Variants in FHL2 observed in about 807,000 individuals in gnomAD.
FHL2 encodes four and a half LIM domains protein 2.
A neutral mutation model predicts 32.7 loss-of-function variants in FHL2; 20 were observed. The ratio of observed to expected loss-of-function variants is 0.61; its 90% CI spans 0.43 to 0.89. The LOEUF is 0.89. FHL2 is among the 40% of genes least tolerant of loss of function. The probability of loss-of-function intolerance (pLI) is 0.00; values close to 1 mark genes in which losing one functional copy is unlikely to be tolerated. For missense variants in FHL2, 311 were observed against 358.6 expected, an observed-to-expected ratio of 0.87 and a Z score of 1.07; for synonymous variants, 123 against 128.1, an observed-to-expected ratio of 0.96 and a Z score of 0.27.
At chr2:105,368,225 G>GA (rs1206372345) in intron 4 of FHL2, among the ~76,000 whole-genome samples, 2 of 152,202 alleles carry the variant, frequency 1.3e-5, no homozygotes, top group Non-Finnish European at 2.9e-5. Flanking sequence ...CTGATTCAGT[G>GA]AGCAGCCTCT....
intron 2 of FHL2, among the ~76,000 whole-genome samples, chr2:105,387,608 G>A (rs1163182869): frequency 1.3e-5 from 2 of 152,228 alleles, no homozygotes; most frequent in African/African-American, 2.4e-5. Context: ...ACAGGAACAG[G>A]ACACTGGCGA....
At chr2:105,431,246 T>G (rs1269605421) in intron 1 of FHL2, among the ~76,000 whole-genome samples, 1 of 152,202 alleles carries the variant, frequency 6.6e-6, no homozygotes, top group Non-Finnish European at 1.5e-5. Context: ...CTCACTGCTG[T>G]AGGTATTGGG....
At chr2:105,385,506 T>A (rs1682240197) in intron 3 of FHL2, among the ~76,000 whole-genome samples, 2 of 152,250 alleles carry the variant, frequency 1.3e-5, no homozygotes, top group Non-Finnish European at 2.9e-5. Context: ...TGCCATGAAC[T>A]GACTTGGTGC....
chr2:105,414,496 C>T (rs1683877856), intron 1 of FHL2, among the ~76,000 whole-genome samples: 2 of 152,104 alleles, frequency 1.3e-5, no homozygotes, highest in Non-Finnish European at 2.9e-5. Flanking sequence ...GCCATTATCT[C>T]ATTAGCATAC....
rs1001568915 is a variant in FHL2, at chr2:105,377,852, C to T, written c.157-4119G>A. The T allele has an allele frequency of 2.1e-4, 73 of 354,556 alleles. 2 individuals carry two copies. Among genetic ancestry groups the T allele is most frequent in the South Asian group, 1.5e-3 (70 of 45,474 alleles). The allele number at this position is 354,556 out of a possible 1,614,324, so 22.0% of individuals were successfully genotyped here. On this transcript the variant is annotated intron_variant, in intron 3 of 6. Transcript: ENST00000530340. ...AGGGAGAGGGGAGGAGATCCTTGGC[C>T]TCTCTCTGGGAAGATAGTTGCTTTT...
chr2:105,401,199 TA>T (rs1394023232), upstream of FHL2, among the ~76,000 whole-genome samples: 2 of 152,164 alleles, frequency 1.3e-5, no homozygotes, highest in East Asian at 1.9e-4. Flanking sequence ...CAATTTATGT[TA>T]GGGGTGATAA....
upstream of FHL2, among the ~76,000 whole-genome samples, chr2:105,400,965 TACA>T: frequency 6.6e-6 from 1 of 151,450 alleles, no homozygotes; most frequent in South Asian, 2.1e-4. Flanking sequence ...ACCCAGTTTC[TACA>T]ACAACGATGC....
At position 105,386,453 on chromosome 2, in the gene FHL2, G is replaced by A. The variant is rs750377257; in HGVS notation, c.64C>T (p.Arg22Trp). 59 of 1,614,100 alleles carry A rather than the reference G, an allele frequency of 3.7e-5. No individual in the cohort carries two copies. The highest frequency in any genetic ancestry group is 4.2e-5 in the Non-Finnish European group (49 of 1,180,038). ...ESLFGKKYILREESPYCVVCF... is the reference protein window; with the variant it reads ...ESLFGKKYILWEESPYCVVCF... ...ACCACGCAGTAGGGGCTCTCCTCCC[G>A]CAGGATGTACTTCTTGCCAAAGAGA... Residue 22 changes from arginine (R) to tryptophan (W), a missense_variant, in exon 3 of 7, where the codon CGG becomes TGG. Physicochemically the swap from Arg to Trp is moderately radical, Grantham distance 101. Transcript: ENST00000530340.
intron 1 of FHL2, among the ~76,000 whole-genome samples, chr2:105,412,042 G>A (rs867425344): frequency 2.0e-5 from 3 of 152,072 alleles, no homozygotes; most frequent in South Asian, 2.1e-4. Flanking sequence ...AATAAGTTCC[G>A]GTCAAGGTTA....
At chr2:105,388,362 C>G (rs1573348042) in intron 2 of FHL2, among the ~76,000 whole-genome samples, 1 of 152,132 alleles carries the variant, frequency 6.6e-6, no homozygotes. Context: ...CCTCTTATGA[C>G]CATTCCTATA....
chr2:105,423,550 G>T (rs1258970819), intron 1 of FHL2, among the ~76,000 whole-genome samples: 1 of 152,182 alleles, frequency 6.6e-6, no homozygotes, highest in African/African-American at 2.4e-5. Context: ...TCTGTAGCAG[G>T]AAGAATGTTT....
At position 105,419,014 on chromosome 2, in the gene FHL2, A is replaced by G. The variant is rs949619640; in HGVS notation, c.-25+19385T>C. Among the ~76,000 whole-genome samples the G allele has an allele frequency of 2.6e-4, 40 of 152,314 alleles. 1 individual carries two copies. Among genetic ancestry groups the G allele is most frequent in the African/African-American group, 9.4e-4 (39 of 41,580 alleles). On this transcript the variant is annotated intron_variant, in intron 1 of 5. Transcript: ENST00000393352. ...GTCTTGGAACTTATCCCCACCAGAT[A>G]AGGGGAGACTGGTGTGTAATATTTG...
chr2:105,386,513 T>C lies in FHL2; in HGVS notation c.4A>G (p.Thr2Ala), dbSNP rs750378109. Residue 2 changes from threonine to alanine, a missense_variant, in exon 3 of 7, where the codon ACT becomes GCT. Transcript: ENST00000530340. M[T>A]ERFDCHHCNE... is the part of the protein sequence containing the mutation. ...CAATGGTGGCAGTCAAAGCGCTCAG[T>C]CATTTTGACTCCTGGCTTTTCAGCA... 4 of 1,613,992 alleles carry C rather than the reference T, an allele frequency of 2.5e-6. No homozygotes were observed. The African/African-American group carries it at 5.3e-5, about 22-fold the overall frequency.
chr2:105,407,936 A>G (rs1558724241), intron 1 of FHL2, among the ~76,000 whole-genome samples: 1 of 152,192 alleles, frequency 6.6e-6, no homozygotes, highest in Non-Finnish European at 1.5e-5. Context: ...TCATGGCTTT[A>G]GTTTCTGCTT....
intron 3 of FHL2, among the ~76,000 whole-genome samples, chr2:105,382,466 T>G (rs1445445244): frequency 6.6e-6 from 1 of 152,202 alleles, no homozygotes; most frequent in Admixed American, 6.5e-5. Flanking sequence ...CCTTTAACCC[T>G]TGGCAAGATC....
At chr2:105,392,551 A>G (rs1468781506) in intron 2 of FHL2, among the ~76,000 whole-genome samples, 1 of 152,150 alleles carries the variant, frequency 6.6e-6, no homozygotes, top group Non-Finnish European at 1.5e-5. Flanking sequence ...AGGGAGCAAC[A>G]ATGCACTCTA....
upstream of FHL2, chr2:105,399,777 G>A: frequency 2.9e-6 from 2 of 679,410 alleles, no homozygotes; most frequent in Admixed American, 3.4e-5. Flanking sequence ...AGCACAGGTT[G>A]AGCCCATCCC....
chr2:105,435,290 T>C (rs981701194), intron 1 of FHL2, among the ~76,000 whole-genome samples: 1 of 152,234 alleles, frequency 6.6e-6, no homozygotes, highest in Non-Finnish European at 1.5e-5. Context: ...TTATTACATA[T>C]ATGTAATGTT....
At chr2:105,421,661 G>A (rs1481183695) in intron 1 of FHL2, among the ~76,000 whole-genome samples, 1 of 152,082 alleles carries the variant, frequency 6.6e-6, no homozygotes, top group Non-Finnish European at 1.5e-5. Flanking sequence ...TGATTTTTGT[G>A]TCCTCTTTAT....
Sources: allele counts gnomAD v4.1 joint callset (sites outside exome capture counted in the v4.1 genomes callset), GRCh38; gene constraint gnomAD v4.1.1; transcripts MANE v1.5; gene names NCBI Gene and HGNC (gene_info 2026-07-23, HGNC 2026-07-21).